The following CDK14 variants were observed in gnomAD, a reference collection of about 807,000 sequenced individuals.
CDK14 encodes cyclin dependent kinase 14.
In CDK14, 34 loss-of-function variants were observed where a neutral mutation model predicts 60.7. That is an observed-to-expected ratio of 0.56 (90% CI 0.43 to 0.75). The LOEUF is 0.75. CDK14 is among the 30% of genes least tolerant of loss of function. The pLI is 0.00. For synonymous variants in CDK14, 197 were observed against 203.7 expected (o/e 0.97, Z 0.28); for missense variants, 482 against 564.1 (o/e 0.85, Z 1.47).
intron 2 of CDK14, among the ~76,000 whole-genome samples, chr7:90,637,554 A>T (rs1800183154): frequency 6.6e-6 from 1 of 151,902 alleles, no homozygotes; most frequent in Non-Finnish European, 1.5e-5. Context: ...TTTACTTCCA[A>T]GTATGTGGTC....
chr7:91,158,727 G>C (rs1224698025), intron 14 of CDK14, among the ~76,000 whole-genome samples: 1 of 152,184 alleles, frequency 6.6e-6, no homozygotes, highest in Admixed American at 6.5e-5. Flanking sequence ...ATGTGAGTAA[G>C]TGGTCCCTCT....
intron 10 of CDK14, among the ~76,000 whole-genome samples, chr7:90,989,207 A>C (rs970994844): frequency 3.3e-5 from 5 of 152,154 alleles, no homozygotes; most frequent in African/African-American, 1.2e-4. Context: ...AACTGGAACC[A>C]TAATCCTGCA....
At chr7:90,791,787 G>A (rs1358967277) in intron 5 of CDK14, among the ~76,000 whole-genome samples, 1 of 152,066 alleles carries the variant, frequency 6.6e-6, no homozygotes, top group Non-Finnish European at 1.5e-5. Flanking sequence ...CCTTTTAGCA[G>A]ATTGCATGGT....
Position 91,146,746 on chromosome 7 carries a change from A to G in CDK14, c.*28+28538A>G, listed in dbSNP as rs959188715. Among the ~76,000 whole-genome samples, 20 of 152,150 alleles carry G rather than the reference A, an allele frequency of 1.3e-4. 1 individual carries two copies. The highest frequency in any genetic ancestry group is 1.5e-5 in the Non-Finnish European group (1 of 68,012). ...TTATATTGTTCAGGCAGTGAGTATG[A>G]TGATACCCCACTTTTGTCCTTTGCC... On this transcript the variant is annotated intron_variant, in intron 14 of 14. Coordinates refer to ENST00000380050, the MANE Select transcript of CDK14 (RefSeq NM_001287135.2).
intron 2 of CDK14, among the ~76,000 whole-genome samples, chr7:90,674,207 GAAAA>G (rs1300182889): frequency 6.6e-6 from 1 of 152,058 alleles, no homozygotes; most frequent in African/African-American, 2.4e-5. Flanking sequence ...TCTATAGCGA[GAAAA>G]AAAATGCAGC....
chr7:91,015,566 T>G (rs4639433), intron 10 of CDK14, among the ~76,000 whole-genome samples: 1 of 136,286 alleles, frequency 7.3e-6, no homozygotes, highest in Non-Finnish European at 1.5e-5. Flanking sequence ...CTCGCTTTGT[T>G]GCCCAGGCTG....
At chr7:90,691,034 A>G (rs1366432714) in intron 2 of CDK14, among the ~76,000 whole-genome samples, 6 of 152,192 alleles carry the variant, frequency 3.9e-5, no homozygotes, top group Non-Finnish European at 7.4e-5. Context: ...TTTCTATTTT[A>G]TTCTTACTCA....
At chr7:90,667,711 A>C (rs368453644) in intron 2 of CDK14, among the ~76,000 whole-genome samples, 61 of 151,956 alleles carry the variant, frequency 4.0e-4, no homozygotes, top group African/African-American at 1.1e-3. Context: ...CTGGGACTAT[A>C]GGCGCCTGCC....
chr7:91,084,453 T>A (rs2116241320), intron 12 of CDK14, among the ~76,000 whole-genome samples: 1 of 152,340 alleles, frequency 6.6e-6, no homozygotes, highest in East Asian at 1.9e-4. Flanking sequence ...AAAGGCTGGC[T>A]TTGTGACAGT....
At chr7:91,081,777 T>G (rs2116230393) in intron 12 of CDK14, among the ~76,000 whole-genome samples, 1 of 152,234 alleles carries the variant, frequency 6.6e-6, no homozygotes, top group East Asian at 1.9e-4. Flanking sequence ...GAAAGATATT[T>G]TTATTGTTCT....
At chr7:90,832,414 T>C (rs1291174496) in intron 5 of CDK14, among the ~76,000 whole-genome samples, 2 of 152,186 alleles carry the variant, frequency 1.3e-5, no homozygotes, top group Non-Finnish European at 2.9e-5. Context: ...AACACTGTTA[T>C]TGGACCCATA....
At chr7:90,890,450 A>G (rs1216475055) in intron 6 of CDK14, among the ~76,000 whole-genome samples, 1 of 152,228 alleles carries the variant, frequency 6.6e-6, no homozygotes, top group Non-Finnish European at 1.5e-5. Context: ...CAGTGGGTAC[A>G]GACTTCCTCT....
Position 90,834,246 on chromosome 7 carries a change from A to T in CDK14, c.545-28929A>T, listed in dbSNP as rs891959092. Among the ~76,000 whole-genome samples the T allele has an allele frequency of 9.9e-5, 15 of 152,232 alleles. 1 individual carries two copies. In the South Asian group the frequency reaches 1.4e-3, roughly 15 times the overall value. ...GTACAATTACTACATTTTCCTACAA[A>T]TTACTTTGAAAGATATATTAATCAA... is the stretch of plus-strand genomic sequence containing the variant. On this transcript the variant is annotated intron_variant, in intron 5 of 14. Coordinates refer to ENST00000380050, the MANE Select transcript of CDK14 (RefSeq NM_001287135.2).
intron 8 of CDK14, among the ~76,000 whole-genome samples, chr7:90,933,743 A>G (rs924450507): frequency 6.6e-6 from 1 of 152,170 alleles, no homozygotes; most frequent in Non-Finnish European, 1.5e-5. Flanking sequence ...GCTCAGTATA[A>G]GTAAAGGTAG....
intron 14 of CDK14, among the ~76,000 whole-genome samples, chr7:91,135,531 C>T (rs1800254008): frequency 6.6e-6 from 1 of 152,054 alleles, no homozygotes; most frequent in Non-Finnish European, 1.5e-5. Flanking sequence ...ACAAGGGAGC[C>T]ATGTATAGCA....
intron 2 of CDK14, among the ~76,000 whole-genome samples, chr7:90,659,753 C>T (rs144940461): frequency 8.6e-5 from 13 of 151,572 alleles, no homozygotes; most frequent in East Asian, 3.9e-4. Flanking sequence ...GTACAAAGGG[C>T]GGTGGGAAAG....
chr7:91,137,716 A>ATG (rs34823535), intron 14 of CDK14, among the ~76,000 whole-genome samples: 10,189 of 130,570 alleles, frequency 0.078, 633 homozygotes, highest in African/African-American at 0.17. Context: ...GTGTGTGTGT[A>ATG]TGTGTGTGTG....
rs543785505 is a variant in CDK14 at position 90,745,340 on chromosome 7, T to G, written c.370-2341T>G. Among the ~76,000 whole-genome samples the G allele has an allele frequency of 2.0e-5, 3 of 152,340 alleles. No individual in the cohort carries two copies. The South Asian group carries it at 6.2e-4, about 32-fold the overall frequency. On this transcript the variant is annotated intron_variant, in intron 3 of 14. Coordinates refer to ENST00000380050, the MANE Select transcript of CDK14 (RefSeq NM_001287135.2). ...TGAGTATAGTATTAATTATGCAAAA[T>G]TATTTTTCCTTTTAATTTTGAAAAT...
chr7:90,644,771 T>G (rs1231294011), intron 2 of CDK14, among the ~76,000 whole-genome samples: 2 of 152,206 alleles, frequency 1.3e-5, no homozygotes, highest in Non-Finnish European at 2.9e-5. Flanking sequence ...GTCATTAGAT[T>G]CCTGCACTCG....
Sources: allele counts gnomAD v4.1 joint callset (sites outside exome capture counted in the v4.1 genomes callset), GRCh38; gene constraint gnomAD v4.1.1; transcripts MANE v1.5; gene names NCBI Gene and HGNC (gene_info 2026-07-23, HGNC 2026-07-21).